FAM81B: variants seen among roughly 807,000 people sequenced by gnomAD.
FAM81B encodes protein FAM81B.
In FAM81B, 60 loss-of-function variants were observed where a neutral mutation model predicts 58.7. That is an observed-to-expected ratio of 1.02 (90% CI 0.83 to 1.27). FAM81B has a LOEUF of 1.27. FAM81B is among the 50% of genes most tolerant of loss of function. The probability of loss-of-function intolerance (pLI) is 0.00; values close to 1 mark genes in which losing one functional copy is unlikely to be tolerated. For missense variants in FAM81B, 491 were observed against 522.0 expected (o/e 0.94, Z 0.58); for synonymous variants, 189 against 179.6 (o/e 1.05, Z -0.42).
chr5:95,435,608 A>G (rs936165777), intron 6 of FAM81B, among the ~76,000 whole-genome samples: 2 of 152,128 alleles, frequency 1.3e-5, no homozygotes, highest in Non-Finnish European at 2.9e-5. Flanking sequence ...TCATTAATGT[A>G]TTGTCTCTGT....
chr5:95,440,002 G>C (rs1582826808), intron 7 of FAM81B: 2 of 363,038 alleles, frequency 5.5e-6, no homozygotes, highest in Non-Finnish European at 1.1e-5. Flanking sequence ...CTGGATGACA[G>C]AGCAAGACCT....
chr5:95,395,196 T>G (rs781239736), intron 2 of FAM81B, among the ~76,000 whole-genome samples: 1 of 152,060 alleles, frequency 6.6e-6, no homozygotes, highest in Non-Finnish European at 1.5e-5. Context: ...TCCCAGCACT[T>G]CGGGAGGCTG....
intron 7 of FAM81B, among the ~76,000 whole-genome samples, chr5:95,438,103 A>G (rs374328771): frequency 6.6e-6 from 1 of 152,228 alleles, no homozygotes; most frequent in South Asian, 2.1e-4. Flanking sequence ...TGGAGATGCT[A>G]AAATGCGAAA....
At chr5:95,446,932 C>G (rs1186126395) in intron 8 of FAM81B, among the ~76,000 whole-genome samples, 1 of 146,282 alleles carries the variant, frequency 6.8e-6, no homozygotes, top group East Asian at 2.0e-4. Flanking sequence ...CCAAAAGAAT[C>G]TGAAGAGGTT....
chr5:95,397,838 C>T (rs901185821), intron 3 of FAM81B, among the ~76,000 whole-genome samples: 1 of 152,194 alleles, frequency 6.6e-6, no homozygotes, highest in African/African-American at 2.4e-5. Flanking sequence ...CTCTTCGCAT[C>T]TCTCAGAACA....
intron 3 of FAM81B, among the ~76,000 whole-genome samples, chr5:95,405,304 C>T (rs1762216180): frequency 6.6e-6 from 1 of 152,178 alleles, no homozygotes; most frequent in African/African-American, 2.4e-5. Context: ...AATCGTGACC[C>T]TGAATCTCCA....
At position 95,420,284 on chromosome 5, in the gene FAM81B, AT is replaced by A; in HGVS notation, c.542del (p.Leu181Ter). 6.2e-7 allele frequency: 1 copy of A among 1,613,546 alleles called. No homozygotes were observed. The highest frequency in any genetic ancestry group is 8.5e-7 in the Non-Finnish European group (1 of 1,179,672). ...TGGGAAATTTGACTCAAAATTACAG[AT>A]TTTAGAAGACCAAATAAGAGCTCGA... is the stretch of plus-strand genomic sequence containing the variant. ...IVKKLSQNIE[I>X]LEDQIRARDQ... On this transcript the variant is annotated frameshift_variant and splice_region_variant, in exon 5 of 10. Coordinates refer to ENST00000283357, the MANE Select transcript of FAM81B (RefSeq NM_152548.3). LOFTEE classifies it high-confidence loss of function.
chr5:95,414,214 T>C lies in FAM81B; in HGVS notation c.537+24T>C, dbSNP rs768691457. On this transcript the variant is annotated intron_variant, in intron 4 of 9. Coordinates refer to ENST00000283357, the MANE Select transcript of FAM81B (RefSeq NM_152548.3). ...AGGTAGTTCTCTTTTTGTTTTATTT[T>C]GTTTTTGTTTTGTATTTTGGCAGCA... 3 of 1,587,932 alleles carry C rather than the reference T, an allele frequency of 1.9e-6. No homozygotes were observed. In the African/African-American group the frequency reaches 4.1e-5, roughly 22 times the overall value.
intron 4 of FAM81B, among the ~76,000 whole-genome samples, chr5:95,418,370 AG>A (rs754933441): frequency 1.3e-5 from 2 of 152,162 alleles, no homozygotes; most frequent in Non-Finnish European, 2.9e-5. Flanking sequence ...TTCAGGGAAA[AG>A]GTTGAAGTTC....
chr5:95,403,781 A>G (rs1256089464), intron 3 of FAM81B, among the ~76,000 whole-genome samples: 1 of 152,228 alleles, frequency 6.6e-6, no homozygotes, highest in Non-Finnish European at 1.5e-5. Flanking sequence ...CACTTTATCC[A>G]GAAGCCCCAT....
intron 7 of FAM81B, among the ~76,000 whole-genome samples, chr5:95,443,489 T>C (rs1409568463): frequency 6.6e-6 from 1 of 152,156 alleles, no homozygotes; most frequent in Non-Finnish European, 1.5e-5. Flanking sequence ...ATAGAAATGC[T>C]CATACACCTA....
chr5:95,407,192 T>C (rs897685830), intron 3 of FAM81B, among the ~76,000 whole-genome samples: 14 of 152,014 alleles, frequency 9.2e-5, no homozygotes, highest in African/African-American at 3.4e-4. Flanking sequence ...GGAGCCAAGG[T>C]GAGCAGTGGT....
intron 5 of FAM81B, among the ~76,000 whole-genome samples, chr5:95,427,624 T>C (rs1044263837): frequency 6.6e-6 from 1 of 152,356 alleles, no homozygotes. Context: ...ACAATATTTA[T>C]ATCACTTAGC....
intron 4 of FAM81B, among the ~76,000 whole-genome samples, chr5:95,416,336 A>T (rs561137506): frequency 1.4e-4 from 21 of 152,304 alleles, no homozygotes; most frequent in African/African-American, 3.8e-4. Flanking sequence ...TGAAAAAAAA[A>T]TTTTTTTAAT....
chr5:95,428,529 T>G, intron 5 of FAM81B, 74 bp from the exon 6 acceptor site: 1 of 1,547,584 alleles, frequency 6.5e-7, no homozygotes, highest in East Asian at 2.3e-5. Flanking sequence ...ATCAAATGAA[T>G]GTGCAGGTGT....
At chr5:95,446,940 G>GT (rs764169970) in intron 8 of FAM81B, among the ~76,000 whole-genome samples, 520 of 142,142 alleles carry the variant, frequency 3.7e-3, no homozygotes, top group African/African-American at 8.2e-3. Flanking sequence ...ATCTGAAGAG[G>GT]TTTTTTTTTT....
At chr5:95,423,858 A>T (rs1762752754) in intron 5 of FAM81B, among the ~76,000 whole-genome samples, 2 of 152,144 alleles carry the variant, frequency 1.3e-5, no homozygotes, top group African/African-American at 4.8e-5. Context: ...AAACATAATG[A>T]TTTTCCACTA....
intron 1 of FAM81B, among the ~76,000 whole-genome samples, 173 bp from the exon 2 acceptor site, chr5:95,392,621 G>T (rs1761856166): frequency 6.6e-6 from 1 of 152,052 alleles, no homozygotes; most frequent in African/African-American, 2.4e-5. Flanking sequence ...GTTATGGGGG[G>T]ATGGGGGAGA....
chr5:95,401,048 GT>G (rs1561291121), intron 3 of FAM81B, among the ~76,000 whole-genome samples: 1 of 151,526 alleles, frequency 6.6e-6, no homozygotes, highest in Non-Finnish European at 1.5e-5. Context: ...TCACCTGTAA[GT>G]ATGACCCAGA....
Sources: gnomAD v4.1 joint callset for allele counts (sites outside exome capture counted in the v4.1 genomes callset) on GRCh38, gnomAD v4.1.1 for gene constraint, MANE v1.5 for transcripts, NCBI Gene and HGNC (gene_info 2026-07-23, HGNC 2026-07-21) for gene names.